Variants in CLASP2 observed in about 807,000 individuals in gnomAD.
CLASP2 encodes the protein CLIP-associating protein 2.
Under a neutral mutation model 194.4 loss-of-function variants are expected in CLASP2, and 47 were observed. That is an observed-to-expected ratio of 0.24 (90% CI 0.19 to 0.31). CLASP2 has a LOEUF of 0.31. Among genes scored for constraint, CLASP2 ranks in the 10% least tolerant of loss-of-function variants. CLASP2 has a pLI of 1.00. For missense variants in CLASP2, 1,445 were observed against 1,823.6 expected, an observed-to-expected ratio of 0.79 and a Z score of 3.78; for synonymous variants, 619 against 633.5, an observed-to-expected ratio of 0.98 and a Z score of 0.34.
chr3:33,705,781 T>C lies in CLASP2; in HGVS notation c.196-8848A>G, dbSNP rs1047113395. ...AATATGGGACAGATTCAGTAAACCA[T>C]GGTGTATCCACACTACAGGATACTA... On this transcript the variant is annotated intron_variant, in intron 1 of 38. Transcript: ENST00000682230. 4.6e-5 allele frequency among the ~76,000 whole-genome samples: 7 copies of C among 152,184 alleles called. No individual in the cohort carries two copies. The South Asian group carries it at 6.2e-4, about 13-fold the overall frequency.
At chr3:33,582,905 C>T (rs1191501041) in intron 22 of CLASP2, among the ~76,000 whole-genome samples, 2 of 152,148 alleles carry the variant, frequency 1.3e-5, no homozygotes, top group Non-Finnish European at 2.9e-5. Flanking sequence ...AAATGAAAAG[C>T]GCTAGGAACA....
intron 5 of CLASP2, 28 bp from the exon 6 acceptor site, chr3:33,684,484 A>T (rs1453708731): frequency 7.1e-7 from 1 of 1,407,512 alleles, no homozygotes; most frequent in South Asian, 1.2e-5. Flanking sequence ...ACTTTTTAAT[A>T]AACTTATATA....
chr3:33,677,721 A>AT (rs2089024479), intron 6 of CLASP2, among the ~76,000 whole-genome samples: 1 of 151,296 alleles, frequency 6.6e-6, no homozygotes, highest in Non-Finnish European at 1.5e-5. Context: ...AAAATAAAAA[A>AT]TAAAAAAAAA....
chr3:33,508,680 C>G (rs1014241606), intron 37 of CLASP2, among the ~76,000 whole-genome samples: 2 of 152,116 alleles, frequency 1.3e-5, no homozygotes, highest in African/African-American at 4.8e-5. Flanking sequence ...AGCTGGAATC[C>G]TTCTAAAAGT....
chr3:33,714,369 C>T (rs2093185605), intron 1 of CLASP2, among the ~76,000 whole-genome samples: 1 of 152,178 alleles, frequency 6.6e-6, no homozygotes, highest in African/African-American at 2.4e-5. Flanking sequence ...ACTTGGGACC[C>T]CAACTGTCTA....
chr3:33,663,674 C>T (rs530980870), intron 6 of CLASP2, among the ~76,000 whole-genome samples, 159 bp from the exon 7 acceptor site: 1 of 152,244 alleles, frequency 6.6e-6, no homozygotes, highest in South Asian at 2.1e-4. Flanking sequence ...AAAGAAGACA[C>T]AAAACCCATC....
chr3:33,667,445 G>A (rs1257683501), intron 6 of CLASP2, among the ~76,000 whole-genome samples: 1 of 129,536 alleles, frequency 7.7e-6, no homozygotes, highest in African/African-American at 3.4e-5. Flanking sequence ...TGATTTGCAA[G>A]TATTTACTCC....
At chr3:33,695,325 T>G (rs961536928) in intron 2 of CLASP2, among the ~76,000 whole-genome samples, 3 of 147,656 alleles carry the variant, frequency 2.0e-5, no homozygotes, top group African/African-American at 7.5e-5. Flanking sequence ...CCTCCTAAAC[T>G]GTTGGGATTA....
chr3:33,576,159 A>G lies in CLASP2; in HGVS notation c.2454+10T>C. ...AACATTTATAATGATAAGAAAATGG[A>G]GAAGAGTACCAAGGCATCTGCCACC... On this transcript the variant is annotated intron_variant, in intron 24 of 38. Coordinates refer to ENST00000682230, the MANE Select transcript of CLASP2 (RefSeq NM_001365631.1). 6.2e-7 allele frequency: 1 copy of G among 1,602,128 alleles called. No homozygotes were observed. The highest frequency in any genetic ancestry group is 8.6e-7 in the Non-Finnish European group (1 of 1,169,290).
intron 16 of CLASP2, among the ~76,000 whole-genome samples, chr3:33,606,299 T>C (rs2073833147): frequency 6.6e-6 from 1 of 152,150 alleles, no homozygotes; most frequent in Admixed American, 6.5e-5. Flanking sequence ...CTATTTATTG[T>C]AAGTACTGTT....
intron 29 of CLASP2, among the ~76,000 whole-genome samples, chr3:33,555,050 T>G (rs1427926029): frequency 6.6e-6 from 1 of 151,456 alleles, no homozygotes; most frequent in African/African-American, 2.4e-5. Context: ...TATTGCATAT[T>G]TGAAAATTGA....
chr3:33,628,947 C>T (rs896361853), intron 9 of CLASP2, among the ~76,000 whole-genome samples: 5 of 151,826 alleles, frequency 3.3e-5, no homozygotes, highest in Non-Finnish European at 5.9e-5. Flanking sequence ...ATCACAAGCA[C>T]CTAAAATTAA....
intron 6 of CLASP2, among the ~76,000 whole-genome samples, chr3:33,676,826 G>C (rs2154340985): frequency 6.6e-6 from 1 of 152,268 alleles, no homozygotes; most frequent in African/African-American, 2.4e-5. Context: ...CTAATATCTA[G>C]AATCTACAAT....
intron 4 of CLASP2, among the ~76,000 whole-genome samples, chr3:33,687,500 T>G (rs887270818): frequency 2.0e-5 from 3 of 152,140 alleles, no homozygotes; most frequent in Admixed American, 6.5e-5. Context: ...TGGTCTCAAA[T>G]AAATGCATTC....
At chr3:33,706,267 C>T (rs1259849428) in intron 1 of CLASP2, among the ~76,000 whole-genome samples, 1 of 151,982 alleles carries the variant, frequency 6.6e-6, no homozygotes, top group Admixed American at 6.6e-5. Flanking sequence ...ACAAAAAACA[C>T]ACAAAGACAC....
intron 2 of CLASP2, among the ~76,000 whole-genome samples, chr3:33,691,574 T>C (rs1161635449): frequency 1.3e-5 from 2 of 152,190 alleles, no homozygotes; most frequent in Admixed American, 6.6e-5. Flanking sequence ...CGTTCATCAA[T>C]AGGAACAATA....
At chr3:33,648,033 C>T (rs1421981147) in intron 7 of CLASP2, among the ~76,000 whole-genome samples, 2 of 119,600 alleles carry the variant, frequency 1.7e-5, no homozygotes, top group Non-Finnish European at 3.6e-5. Context: ...ATTCCGTCTG[C>T]AAAAAAAAAA....
At chr3:33,539,859 G>C (rs1474995347) in intron 32 of CLASP2, among the ~76,000 whole-genome samples, 1 of 151,726 alleles carries the variant, frequency 6.6e-6, no homozygotes, top group Non-Finnish European at 1.5e-5. Flanking sequence ...TTGACAAAGA[G>C]ATAAATGTAT....
chr3:33,677,290 A>G (rs2088876018), intron 6 of CLASP2, among the ~76,000 whole-genome samples: 1 of 151,524 alleles, frequency 6.6e-6, no homozygotes, highest in African/African-American at 2.4e-5. Flanking sequence ...AATAGCAAAG[A>G]CTTGGAACCA....
Sources: allele counts gnomAD v4.1 joint callset (sites outside exome capture counted in the v4.1 genomes callset), GRCh38; gene constraint gnomAD v4.1.1; transcripts MANE v1.5; gene names NCBI Gene and HGNC (gene_info 2026-07-23, HGNC 2026-07-21).